CCDC91: variants seen among roughly 807,000 people sequenced by gnomAD.
CCDC91 encodes coiled-coil domain-containing protein 91.
Under a neutral mutation model 63.2 loss-of-function variants are expected in CCDC91, and 48 were observed. The ratio of observed to expected loss-of-function variants is 0.76; its 90% CI spans 0.60 to 0.97. The LOEUF is 0.97. Among genes scored for constraint, CCDC91 ranks in the 50% least tolerant of loss-of-function variants. The probability of loss-of-function intolerance (pLI) is 0.00; values close to 1 mark genes in which losing one functional copy is unlikely to be tolerated. For synonymous variants in CCDC91, 167 were observed against 165.8 expected (o/e 1.01, Z -0.06); for missense variants, 500 against 494.6 (o/e 1.01, Z -0.10).
rs550426856 is a variant in CCDC91, at chr12:28,358,707, T to G, written c.577-3731T>G. On this transcript the variant is annotated intron_variant, in intron 6 of 12. Coordinates refer to ENST00000536442, the MANE Select transcript of CCDC91 (RefSeq NM_018318.5). ...TAGGTGCTATGAGAAAAAGCATGAT[T>G]AGTGGATATTGATCAGTGGTGTACT... Among the ~76,000 whole-genome samples the G allele has an allele frequency of 3.9e-5, 6 of 152,258 alleles. No homozygotes were observed. In the East Asian group the frequency reaches 9.6e-4, roughly 24 times the overall value.
intron 6 of CCDC91, among the ~76,000 whole-genome samples, chr12:28,354,126 G>A (rs2348234): frequency 0.25 from 38,425 of 152,018 alleles, 5,376 homozygotes; most frequent in East Asian, 0.56. Context: ...GCACTTAGTG[G>A]CTTAAAACAG....
chr12:28,284,828 T>G (rs1188544138), intron 3 of CCDC91, among the ~76,000 whole-genome samples: 2 of 152,198 alleles, frequency 1.3e-5, no homozygotes, highest in Non-Finnish European at 1.5e-5. Flanking sequence ...CTGAGATATA[T>G]TCTTTCTTTT....
intron 12 of CCDC91, among the ~76,000 whole-genome samples, chr12:28,546,717 A>T (rs930696122): frequency 3.3e-5 from 5 of 152,062 alleles, no homozygotes; most frequent in African/African-American, 1.2e-4. Flanking sequence ...TATAACTATA[A>T]AATGAAAACT....
intron 8 of CCDC91, among the ~76,000 whole-genome samples, chr12:28,433,971 T>C (rs769099445): frequency 6.6e-6 from 1 of 151,882 alleles, no homozygotes; most frequent in African/African-American, 2.4e-5. Context: ...AATAGTAATG[T>C]GTTTTTAATT....
In CCDC91 at chr12:28,195,394, C is replaced by T. The variant is rs532927795; in HGVS notation, c.-15+4753C>T. ...AATCCTTTAGCTAGATAGAAAAGTT[C>T]TCCAAGTCCCCACCTGACCCGGAAG... On this transcript the variant is annotated intron_variant, in intron 1 of 12. Coordinates refer to ENST00000536442, the MANE Select transcript of CCDC91 (RefSeq NM_018318.5). 3.9e-5 allele frequency among the ~76,000 whole-genome samples: 6 copies of T among 152,308 alleles called. No homozygotes were observed. The East Asian group carries it at 9.6e-4, about 24-fold the overall frequency.
intron 3 of CCDC91, among the ~76,000 whole-genome samples, chr12:28,286,188 A>G (rs1488272158): frequency 6.6e-6 from 1 of 152,108 alleles, no homozygotes; most frequent in Non-Finnish European, 1.5e-5. Flanking sequence ...TTATACCTTC[A>G]TAGACATTAA....
At chr12:28,289,699 T>TTC (rs1949116746) in intron 3 of CCDC91, among the ~76,000 whole-genome samples, 1 of 90,514 alleles carries the variant, frequency 1.1e-5, no homozygotes, top group East Asian at 2.3e-4. Context: ...TTTTTTTTTT[T>TTC]TTTTTTTTTG....
chr12:28,226,240 A>T (rs1339320897), intron 1 of CCDC91: 3 of 152,226 alleles, frequency 2.0e-5, no homozygotes, highest in Non-Finnish European at 4.4e-5. Context: ...TGGAACAGGG[A>T]AGACTATTAA....
intron 7 of CCDC91, among the ~76,000 whole-genome samples, chr12:28,373,116 A>C (rs868544817): frequency 7.9e-4 from 121 of 152,234 alleles, no homozygotes; most frequent in African/African-American, 2.8e-3. Context: ...TTAAAAAATA[A>C]GATTGTAGGC....
At chr12:28,252,248 T>C (rs567700166) in intron 1 of CCDC91, among the ~76,000 whole-genome samples, 2 of 152,204 alleles carry the variant, frequency 1.3e-5, no homozygotes, top group African/African-American at 4.8e-5. Flanking sequence ...TGCTGTGGGT[T>C]TTTTTTCTTC....
chr12:28,467,520 T>G (rs1950604174), intron 11 of CCDC91, among the ~76,000 whole-genome samples: 1 of 151,964 alleles, frequency 6.6e-6, no homozygotes, highest in South Asian at 2.1e-4. Flanking sequence ...GCTGAAGACG[T>G]CAATAGCTCA....
intron 8 of CCDC91, among the ~76,000 whole-genome samples, chr12:28,449,461 G>T (rs567686864): frequency 6.6e-6 from 1 of 151,998 alleles, no homozygotes; most frequent in South Asian, 2.1e-4. Flanking sequence ...CGTTATTGGA[G>T]ATACTGAGGC....
At position 28,315,153 on chromosome 12, in the gene CCDC91, G is replaced by GTGTATA. The variant is rs1555182099; in HGVS notation, c.576+7405_576+7406insGTATAT. The stretch of plus-strand genomic sequence containing the variant: ...GGGTATTTTACTTAATGTGTCAGTT[G>GTGTATA]TATATATATATATATATATTTTTGT... On this transcript the variant is annotated intron_variant, in intron 6 of 12. Transcript: ENST00000536442. Among the ~76,000 whole-genome samples, 1,075 of 148,070 alleles carry GTGTATA rather than the reference G, an allele frequency of 7.3e-3. 16 individuals carry two copies. Among genetic ancestry groups the GTGTATA allele is most frequent in the Non-Finnish European group, 8.5e-3 (570 of 66,976 alleles).
intron 12 of CCDC91, among the ~76,000 whole-genome samples, chr12:28,507,412 C>T (rs10843190): frequency 0.38 from 58,162 of 151,798 alleles, 11,528 homozygotes; most frequent in Middle Eastern, 0.48. Context: ...GTAGTAGCCA[C>T]CCCCTAGTTG....
chr12:28,469,516 G>A (rs1422202269), intron 11 of CCDC91, among the ~76,000 whole-genome samples: 1 of 151,974 alleles, frequency 6.6e-6, no homozygotes, highest in Non-Finnish European at 1.5e-5. Flanking sequence ...ATTTCCCAAA[G>A]CAATCTGTGG....
intron 8 of CCDC91, among the ~76,000 whole-genome samples, chr12:28,442,907 A>G (rs999584773): frequency 6.6e-6 from 1 of 152,056 alleles, no homozygotes; most frequent in Non-Finnish European, 1.5e-5. Flanking sequence ...AGATTTTGGT[A>G]TCAGTTCTAT....
chr12:28,346,078 C>G (rs184063815), intron 6 of CCDC91, among the ~76,000 whole-genome samples: 1 of 151,526 alleles, frequency 6.6e-6, no homozygotes, highest in East Asian at 1.9e-4. Context: ...CTTAATTAAC[C>G]GAGTTCTTGG....
At chr12:28,275,959 A>G (rs1948189331) in intron 3 of CCDC91, among the ~76,000 whole-genome samples, 1 of 152,108 alleles carries the variant, frequency 6.6e-6, no homozygotes, top group Non-Finnish European at 1.5e-5. Flanking sequence ...TTAGGTATTG[A>G]TGGGACGTAT....
intron 2 of CCDC91, 120 bp downstream of exon 2, chr12:28,257,365 T>C: frequency 3.1e-6 from 2 of 653,976 alleles, no homozygotes; most frequent in Non-Finnish European, 5.3e-6. Flanking sequence ...CATTTTAATG[T>C]AATTCTGGAG....
Sources: allele counts gnomAD v4.1 joint callset (sites outside exome capture counted in the v4.1 genomes callset), GRCh38; gene constraint gnomAD v4.1.1; transcripts MANE v1.5; gene names NCBI Gene and HGNC (gene_info 2026-07-23, HGNC 2026-07-21).